The following UBTD2 variants were observed in gnomAD, a reference collection of about 807,000 sequenced individuals.
UBTD2 encodes the protein ubiquitin domain containing 2, also known as ubiquitin domain-containing protein 2.
In UBTD2, 9 loss-of-function variants were observed where a neutral mutation model predicts 19.8. The ratio of observed to expected loss-of-function variants is 0.46; its 90% confidence interval spans 0.27 to 0.79. UBTD2 has a LOEUF of 0.79. Ranked by LOEUF, UBTD2 falls within the 30% of genes least tolerant of loss-of-function variation. UBTD2 has a pLI of 0.14. For synonymous variants in UBTD2, 98 were observed against 103.9 expected (o/e 0.94, Z 0.35); for missense variants, 250 against 300.4 (o/e 0.83, Z 1.24).
At chr5:172,244,295 G>GT (rs1191361417) in intron 1 of UBTD2, among the ~76,000 whole-genome samples, 11,551 of 125,994 alleles carry the variant, frequency 0.092, 1,032 homozygotes, top group African/African-American at 0.21. Context: ...TTTCCTCCCA[G>GT]TTTTTTTTTT....
At chr5:172,253,072 C>T (rs186707899) in intron 1 of UBTD2, among the ~76,000 whole-genome samples, 4 of 152,122 alleles carry the variant, frequency 2.6e-5, no homozygotes, top group African/African-American at 9.7e-5. Context: ...TTCCATCACC[C>T]AGGCTGGAGT....
intron 1 of UBTD2, among the ~76,000 whole-genome samples, chr5:172,250,567 A>C (rs1645047512): frequency 6.6e-6 from 1 of 152,230 alleles, no homozygotes; most frequent in South Asian, 2.1e-4. Flanking sequence ...AGAGCAAAGC[A>C]AACTAAGGGG....
At chr5:172,279,614 G>T (rs562869195) in intron 1 of UBTD2, among the ~76,000 whole-genome samples, 28 of 152,340 alleles carry the variant, frequency 1.8e-4, no homozygotes, top group African/African-American at 6.5e-4. Context: ...AAAGTGAGAA[G>T]TTACTTTGTA....
intron 2 of UBTD2, among the ~76,000 whole-genome samples, chr5:172,223,586 CAAAAAAAAAAAAAAAAAAAA>C (rs577474758): frequency 6.0e-5 from 2 of 33,122 alleles, no homozygotes; most frequent in African/African-American, 2.6e-4. Flanking sequence ...GCGACGGAGT[CAAAAAAAAAAAAAAAAAAAA>C]AAAAAAAAAA....
At chr5:172,254,092 T>C (rs1399833690) in intron 1 of UBTD2, among the ~76,000 whole-genome samples, 3 of 152,040 alleles carry the variant, frequency 2.0e-5, no homozygotes, top group East Asian at 3.9e-4. Context: ...GCATTCAAAC[T>C]AGCATTCCTT....
Position 172,234,354 on chromosome 5 carries a change from A to T in UBTD2, c.75T>A (p.Ala25=). The change falls in exon 2 of 3, where the codon GCT becomes GCA. Residue 25 remains alanine (A), a synonymous_variant. Transcript: ENST00000393792. ...TTTTCAAAGGCTGGTTACGACCTAG[A>T]GCAACTGAAAAGAAAAATAAAAGAC... The part of the protein sequence containing the change: ...LNENSEGTGV[A]LGRNQPLKKE... The T allele has an allele frequency of 6.2e-7, 1 of 1,613,608 alleles. No homozygotes were observed. Among genetic ancestry groups the T allele is most frequent in the African/African-American group, 1.3e-5 (1 of 74,972 alleles).
rs572763792 is a variant in UBTD2, at chr5:172,250,611, T to C, written c.71-16253A>G. 1.2e-4 allele frequency among the ~76,000 whole-genome samples: 19 copies of C among 152,236 alleles called. No individual in the cohort carries two copies. The South Asian group carries it at 1.5e-3, about 12-fold the overall frequency. On this transcript the variant is annotated intron_variant, in intron 1 of 2. Transcript: ENST00000393792. ...AAACAATGCATGATCCTGGATAACTTTGACTATTAATGGAGATAATAGTGA... is the reference window on the plus strand; with the variant it reads ...AAACAATGCATGATCCTGGATAACTCTGACTATTAATGGAGATAATAGTGA...
Position 172,252,094 on chromosome 5 carries a change from G to A in UBTD2, c.71-17736C>T, listed in dbSNP as rs979059962. The stretch of plus-strand genomic sequence containing the variant: ...TTCTCAAAGATCATAGAACTAAACA[G>A]TATAACAGGGATTCAAACCAACACT... On this transcript the variant is annotated intron_variant, in intron 1 of 2. Coordinates refer to ENST00000393792, the MANE Select transcript of UBTD2 (RefSeq NM_152277.3). 2.6e-5 allele frequency among the ~76,000 whole-genome samples: 4 copies of A among 152,188 alleles called. No homozygotes were observed. In the South Asian group the frequency reaches 6.2e-4, roughly 24 times the overall value.
chr5:172,239,890 C>T (rs934787979), intron 1 of UBTD2, among the ~76,000 whole-genome samples: 2 of 152,046 alleles, frequency 1.3e-5, no homozygotes, highest in Non-Finnish European at 2.9e-5. Flanking sequence ...GGCAACAGAG[C>T]GAGACTCCGT....
chr5:172,251,465 C>CAAAAA (rs59810255), intron 1 of UBTD2, among the ~76,000 whole-genome samples: 11 of 91,944 alleles, frequency 1.2e-4, no homozygotes, highest in African/African-American at 2.4e-4. Context: ...TCAAACTGTC[C>CAAAAA]AAAAAAAAAA....
At chr5:172,280,693 A>C (rs1581237916) in intron 1 of UBTD2, among the ~76,000 whole-genome samples, 1 of 152,262 alleles carries the variant, frequency 6.6e-6, no homozygotes, top group Middle Eastern at 3.4e-3. Flanking sequence ...ATTTGAAAAA[A>C]GCCTAAGTAG....
Position 172,269,867 on chromosome 5 carries a change from G to C in UBTD2, c.70+13729C>G, listed in dbSNP as rs185139019. Among the ~76,000 whole-genome samples, 462 of 151,556 alleles carry C rather than the reference G, an allele frequency of 3.0e-3. 1 individual carries two copies. The highest frequency in any genetic ancestry group is 0.011 in the African/African-American group (442 of 41,360). On this transcript the variant is annotated intron_variant, in intron 1 of 2. Coordinates refer to ENST00000393792, the MANE Select transcript of UBTD2 (RefSeq NM_152277.3). The stretch of plus-strand genomic sequence containing the variant: ...CCGAGGCAGGCAGTTCATGAGGTCA[G>C]GAGTTCGAGACCGGCCTGGCCAACA...
chr5:172,254,862 G>GTAAT (rs1755106996), intron 1 of UBTD2: 1 of 519,148 alleles, frequency 1.9e-6, no homozygotes, highest in African/African-American at 2.0e-5. Flanking sequence ...TCAATTACAG[G>GTAAT]TACTTGCATG....
In UBTD2 at chr5:172,283,473, G is replaced by T; in HGVS notation, c.70+123C>A. ...CAGCCGGAAGCGGAGCGCGGGGAAT[G>T]ACGTGGAAGAGGGGATGACAAAGGG... On this transcript the variant is annotated intron_variant, in intron 1 of 2. Transcript: ENST00000393792. This position sits in a 1 kb window ranked among gnomAD's most constrained non-coding sequence, Gnocchi z 4.3. 1 of 711,548 alleles carries T rather than the reference G, an allele frequency of 1.4e-6. No individual in the cohort carries two copies. Among genetic ancestry groups the T allele is most frequent in the Non-Finnish European group, 1.9e-6 (1 of 521,408 alleles). The allele number at this position is 711,548 out of a possible 1,614,324, so 44.1% of individuals were successfully genotyped here.
In UBTD2 at chr5:172,211,388, CAAAAA is replaced by C. The variant is rs1261280499; in HGVS notation, c.*437_*441del. 5.3e-5 allele frequency: 6 copies of C among 113,036 alleles called. No individual in the cohort carries two copies. Among genetic ancestry groups the C allele is most frequent in the South Asian group, 3.0e-4 (1 of 3,280 alleles). The allele number at this position is 113,036 out of a possible 1,614,324, so 7.0% of individuals were successfully genotyped here. On this transcript the variant is annotated 3_prime_UTR_variant, in exon 3 of 3. Transcript: ENST00000393792. ...CAAAACAAAACAAAACAAAACAAAACAAAAAGGTTAAGTTTTATATCCATTATTTA... is the reference window on the plus strand; with the variant it reads ...CAAAACAAAACAAAACAAAACAAAACGGTTAAGTTTTATATCCATTATTTA...
intron 1 of UBTD2, among the ~76,000 whole-genome samples, chr5:172,271,488 G>A (rs1412202603): frequency 2.0e-5 from 3 of 150,620 alleles, no homozygotes; most frequent in African/African-American, 7.3e-5. Flanking sequence ...GATGCTTTCT[G>A]ACCCTGCCCC....
intron 1 of UBTD2, chr5:172,254,849 G>T: frequency 1.9e-6 from 1 of 538,124 alleles, no homozygotes. Flanking sequence ...ATTTTCTTAT[G>T]ATTCAATTAC....
chr5:172,252,189 T>G (rs1755038767), intron 1 of UBTD2: 1 of 152,318 alleles, frequency 6.6e-6, no homozygotes, highest in South Asian at 2.1e-4. Flanking sequence ...TGAATAAATG[T>G]TTAACATGGA....
intron 1 of UBTD2, among the ~76,000 whole-genome samples, chr5:172,262,140 A>G (rs1755281728): frequency 6.6e-6 from 1 of 152,098 alleles, no homozygotes; most frequent in Non-Finnish European, 1.5e-5. Flanking sequence ...TTAAAGTCAA[A>G]GGGTCTTTTT....
Sources: allele counts gnomAD v4.1 joint callset (sites outside exome capture counted in the v4.1 genomes callset), GRCh38; gene constraint gnomAD v4.1.1; non-coding constraint Gnocchi (gnomAD v3.1); transcripts MANE v1.5; gene names NCBI Gene and HGNC (gene_info 2026-07-23, HGNC 2026-07-21).